The following CTBP1 variants were observed in gnomAD, a reference collection of about 807,000 sequenced individuals.
CTBP1 encodes the protein C-terminal-binding protein 1.
Under a neutral mutation model 42.1 loss-of-function variants are expected in CTBP1, and 11 were observed. The observed-to-expected ratio is 0.26, with a 90% CI of 0.16 to 0.43. The LOEUF (loss-of-function observed/expected upper bound fraction) is 0.43, where lower values mean the gene tolerates loss of function less well. CTBP1 is among the 20% of genes least tolerant of loss of function. The probability of loss-of-function intolerance (pLI) is 1.00; values close to 1 mark genes in which losing one functional copy is unlikely to be tolerated. For synonymous variants in CTBP1, 324 were observed against 277.1 expected (o/e 1.17, Z -1.68); for missense variants, 399 against 624.3 (o/e 0.64, Z 3.85).
intron 3 of CTBP1, chr4:1,234,845 TTGCA>T (rs1731318888): frequency 6.6e-6 from 1 of 152,206 alleles, no homozygotes; most frequent in Non-Finnish European, 1.5e-5. Flanking sequence ...CCACAGCCCC[TTGCA>T]TGCGTGTGGA....
Position 1,238,336 on chromosome 4 carries a change from G to T in CTBP1, c.9C>A (p.Gly3=). 6.4e-7 allele frequency: 1 copy of T among 1,562,144 alleles called. No individual in the cohort carries two copies. Among genetic ancestry groups the T allele is most frequent in the Non-Finnish European group, 8.7e-7 (1 of 1,150,856 alleles). The change falls in exon 3 of 10, where the codon GGC becomes GGA. Residue 3 remains glycine (G), a splice_region_variant and synonymous_variant. Transcript: ENST00000382952. The surrounding 1 kb of genome is among the most constrained non-coding windows in gnomAD (Gnocchi z 5.9). ...GCCCGTTCATGATCGGAGGTCGGAC[G>T]CCTGCAAGACAGAGGCAAGTGCTCA... The part of the protein sequence containing the change: MS[G]VRPPIMNGPL...
At chr4:1,242,427 G>A (rs1732273818) in intron 1 of CTBP1, 2 of 985,288 alleles carry the variant, frequency 2.0e-6, no homozygotes, top group Admixed American at 6.1e-5. Flanking sequence ...CTGCCTGCCA[G>A]GCCAGAAGGG....
chr4:1,249,121 CCGCGCGGGCGGGGACACGGCGGCG>C (rs1393936359), exon 1 of CTBP1: 7 of 170,208 alleles, frequency 4.1e-5, no homozygotes, highest in Non-Finnish European at 6.8e-5. Context: ...GCTCCGACGA[CCGCGCGGGCGGGGACACGGCGGCG>C]CGCGCGGGCG....
chr4:1,237,219 C>T (rs550745655), intron 3 of CTBP1: 2 of 674,826 alleles, frequency 3.0e-6, no homozygotes, highest in South Asian at 3.2e-5. Context: ...CAGGGCAAAC[C>T]GAGTGTCCAC....
intron 3 of CTBP1, among the ~76,000 whole-genome samples, chr4:1,232,663 T>C (rs922871958): frequency 4.6e-5 from 7 of 152,342 alleles, no homozygotes; most frequent in South Asian, 2.1e-4. Context: ...CCTTTTCCTC[T>C]GTAGTATCAC....
At chr4:1,248,711 A>T in intron 1 of CTBP1, 1 of 980,796 alleles carries the variant, frequency 1.0e-6, no homozygotes, top group Non-Finnish European at 1.2e-6. Flanking sequence ...GCGCACACGC[A>T]GCGGCCCGCG....
At chr4:1,236,704 A>AC (rs1381595753) in intron 3 of CTBP1, 3 of 673,390 alleles carry the variant, frequency 4.5e-6, no homozygotes, top group Non-Finnish European at 8.1e-6. Flanking sequence ...CACAGGGCAA[A>AC]CCAAGTGTCC....
chr4:1,215,362 T>C (rs1184553811), intron 6 of CTBP1, among the ~76,000 whole-genome samples: 2 of 152,190 alleles, frequency 1.3e-5, no homozygotes, highest in African/African-American at 4.8e-5. Context: ...TGCAGACACA[T>C]GCACCCACGC....
chr4:1,246,487 C>A (rs1732735375), intron 1 of CTBP1, among the ~76,000 whole-genome samples: 1 of 152,224 alleles, frequency 6.6e-6, no homozygotes, highest in Admixed American at 6.5e-5. Context: ...GGGGTAAACA[C>A]CTCACAGGGC....
chr4:1,244,662 G>A (rs1577081412), intron 1 of CTBP1: 1 of 985,270 alleles, frequency 1.0e-6, no homozygotes, highest in African/African-American at 1.7e-5. Flanking sequence ...CCGACCACCA[G>A]AAGGGCACCC....
At position 1,230,712 on chromosome 4, in the gene CTBP1, G is replaced by A. The variant is rs550249342; in HGVS notation, c.163-2369C>T. Among the ~76,000 whole-genome samples, 36 of 152,364 alleles carry A rather than the reference G, an allele frequency of 2.4e-4. 1 individual carries two copies. The highest frequency in any genetic ancestry group is 8.2e-4 in the African/African-American group (34 of 41,590). On this transcript the variant is annotated intron_variant, in intron 3 of 9. Transcript: ENST00000382952. Reference sequence around the variant, plus strand: ...AAAAGTCGATTCTGAACCGCGGCACGTCACCTCCCGCACATTCGGAGGAGA... The same window carrying A: ...AAAAGTCGATTCTGAACCGCGGCACATCACCTCCCGCACATTCGGAGGAGA...
rs1731182116 is a variant in CTBP1 at position 1,233,573 on chromosome 4, G to A, written c.162+4610C>T. Among the ~76,000 whole-genome samples the A allele has an allele frequency of 6.6e-6, 1 of 152,076 alleles. No individual in the cohort carries two copies. Among genetic ancestry groups the A allele is most frequent in the Admixed American group, 6.6e-5 (1 of 15,260 alleles). On this transcript the variant is annotated intron_variant, in intron 3 of 9. Coordinates refer to ENST00000382952, the MANE Select transcript of CTBP1 (RefSeq NM_001012614.2). This position sits in a 1 kb window ranked among gnomAD's most constrained non-coding sequence, Gnocchi z 4.6. ...GCAGTTTGATCAGATGTGCAGTGCT[G>A]GGCTGAAAACCCTTCTCCTGTGGAA...
At position 1,238,105 on chromosome 4, in the gene CTBP1, C is replaced by T. The variant is rs1405777064; in HGVS notation, c.162+78G>A. 17 of 1,586,296 alleles carry T rather than the reference C, an allele frequency of 1.1e-5. No individual in the cohort carries two copies. The highest frequency in any genetic ancestry group is 1.4e-5 in the Non-Finnish European group (16 of 1,159,208). Reference sequence around the variant, plus strand: ...AGTGGCACCCAGACCTGCTGTGGCCCGGGCCTGCCGTGCTCCCGTCCCTCC... The same window carrying T: ...AGTGGCACCCAGACCTGCTGTGGCCTGGGCCTGCCGTGCTCCCGTCCCTCC... On this transcript the variant is annotated intron_variant, in intron 3 of 9. Transcript: ENST00000382952. This position sits in a 1 kb window ranked among gnomAD's most constrained non-coding sequence, Gnocchi z 5.9.
Position 1,212,758 on chromosome 4 carries a change from A to T in CTBP1, c.1106+155T>A, listed in dbSNP as rs952520024. ...CTCCTTCCAAGAGGCCCTGGTTCTC[A>T]TGGGCCTTTCAGGTGAGGTTGGCCT... is the stretch of plus-strand genomic sequence containing the variant. On this transcript the variant is annotated intron_variant, in intron 9 of 9. Transcript: ENST00000382952. The T allele has an allele frequency of 7.3e-6, 5 of 681,318 alleles. No individual in the cohort carries two copies. The African/African-American group carries it at 9.0e-5, about 12-fold the overall frequency. The allele number at this position is 681,318 out of a possible 1,614,324, so 42.2% of individuals were successfully genotyped here. A position where few individuals can be genotyped will look rare whatever the true frequency, so the allele number is the denominator to read the frequency against.
intron 6 of CTBP1, chr4:1,215,503 G>A: frequency 4.6e-6 from 1 of 218,070 alleles, no homozygotes; most frequent in South Asian, 6.6e-5. Context: ...TGCACTGCGA[G>A]CTGTGCTGAG....
At chr4:1,226,086 C>T (rs774658580) in intron 4 of CTBP1, among the ~76,000 whole-genome samples, 1 of 152,132 alleles carries the variant, frequency 6.6e-6, no homozygotes, top group Non-Finnish European at 1.5e-5. Flanking sequence ...CCCCTGCAGT[C>T]GGTAACACTG....
intron 1 of CTBP1, among the ~76,000 whole-genome samples, chr4:1,247,832 C>T (rs1178841310): frequency 6.6e-6 from 1 of 152,130 alleles, no homozygotes; most frequent in Non-Finnish European, 1.5e-5. Context: ...TAGCTCCAGG[C>T]CCTCTTGCCC....
chr4:1,221,042 G>A (rs1729681247), intron 5 of CTBP1, among the ~76,000 whole-genome samples: 1 of 152,248 alleles, frequency 6.6e-6, no homozygotes, highest in Admixed American at 6.5e-5. Flanking sequence ...CACGGCCTGA[G>A]ATATTCGTAA....
At position 1,241,213 on chromosome 4, in the gene CTBP1, C is replaced by T. The variant is rs1294016158; in HGVS notation, c.7+112G>A. 13 of 772,262 alleles carry T rather than the reference C, an allele frequency of 1.7e-5. No homozygotes were observed. In the Admixed American group the frequency reaches 1.7e-4, roughly 10 times the overall value. The allele number at this position is 772,262 out of a possible 1,614,324, so 47.8% of individuals were successfully genotyped here. On this transcript the variant is annotated intron_variant, in intron 2 of 9. Transcript: ENST00000382952. The stretch of plus-strand genomic sequence containing the variant: ...GTCAGGTGGCAGCAGTCCGGCCCGA[C>T]GCCCATGCAGCCCAGGTCCCTCGAC...
Sources: gnomAD v4.1 joint callset for allele counts (sites outside exome capture counted in the v4.1 genomes callset) on GRCh38, gnomAD v4.1.1 for gene constraint, Gnocchi (gnomAD v3.1) non-coding constraint, MANE v1.5 for transcripts, NCBI Gene and HGNC (gene_info 2026-07-23, HGNC 2026-07-21) for gene names.